CNBD1: variants seen among roughly 807,000 people sequenced by gnomAD.
CNBD1 encodes the protein cyclic nucleotide-binding domain-containing protein 1.
In CNBD1, 71 loss-of-function variants were observed where a neutral mutation model predicts 54.4. The observed-to-expected ratio is 1.30, with a 90% CI of 1.08 to 1.59. The LOEUF is 1.59. CNBD1 is among the 40% of genes most tolerant of loss of function. The pLI is 0.00. For missense variants in CNBD1, 659 were observed against 518.0 expected (o/e 1.27, Z -2.64); for synonymous variants, 182 against 170.7 (o/e 1.07, Z -0.51).
In CNBD1 at chr8:87,304,079, G is replaced by A. The variant is rs1011903061; in HGVS notation, c.1042+17408G>A. ...CAACCATTGTGGAAGTCAGTGTGGCGATTCCTCAGGGATCTAGAACTAGAA... is the reference window on the plus strand; with the variant it reads ...CAACCATTGTGGAAGTCAGTGTGGCAATTCCTCAGGGATCTAGAACTAGAA... On this transcript the variant is annotated intron_variant, in intron 8 of 10. Transcript: ENST00000518476. Among the ~76,000 whole-genome samples the A allele has an allele frequency of 7.9e-5, 12 of 152,014 alleles. 1 individual carries two copies. Among genetic ancestry groups the A allele is most frequent in the South Asian group, 6.2e-4 (3 of 4,834 alleles).
intron 2 of CNBD1, among the ~76,000 whole-genome samples, chr8:87,400,716 G>A (rs1271758804): frequency 2.0e-5 from 3 of 151,928 alleles, no homozygotes; most frequent in African/African-American, 4.8e-5. Flanking sequence ...ATATTCTGGG[G>A]TGGAAAGACA....
chr8:87,335,994 T>C (rs574176934), intron 8 of CNBD1, among the ~76,000 whole-genome samples: 2 of 152,112 alleles, frequency 1.3e-5, no homozygotes, highest in South Asian at 4.1e-4. Context: ...GGGTTGAAAA[T>C]TCTTTTATTT....
intron 2 of CNBD1, among the ~76,000 whole-genome samples, chr8:87,418,334 A>G (rs1807870132): frequency 6.6e-6 from 1 of 151,958 alleles, no homozygotes; most frequent in Non-Finnish European, 1.5e-5. Context: ...ATGAATTTGG[A>G]CCCCAATCTT....
At chr8:86,966,391 C>T (rs1316969251) in intron 4 of CNBD1, among the ~76,000 whole-genome samples, 1 of 152,202 alleles carries the variant, frequency 6.6e-6, no homozygotes. Flanking sequence ...AAGAATGAAG[C>T]CGTGGACCCT....
intron 4 of CNBD1, among the ~76,000 whole-genome samples, chr8:87,006,891 C>T (rs73273606): frequency 0.03 from 4,565 of 152,260 alleles, 234 homozygotes; most frequent in African/African-American, 0.1. Flanking sequence ...CGTAATTGAA[C>T]ATTGTACAAT....
chr8:86,936,982 T>C (rs1809560933), intron 3 of CNBD1, among the ~76,000 whole-genome samples: 1 of 152,150 alleles, frequency 6.6e-6, no homozygotes, highest in Non-Finnish European at 1.5e-5. Context: ...AAACTGAGGA[T>C]AATATTGCCT....
chr8:87,344,497 G>T (rs1810130052), intron 8 of CNBD1, among the ~76,000 whole-genome samples: 1 of 151,896 alleles, frequency 6.6e-6, no homozygotes, highest in Non-Finnish European at 1.5e-5. Flanking sequence ...AATGAAGGTT[G>T]GGTCACCAAT....
rs150211656 is a variant in CNBD1, at chr8:87,401,183, A to G, written c.214-27363A>G. Reference sequence around the variant, plus strand: ...AGCCAACCAAATAAACCCAAAGCAAATATATTGGAAACCTATTGAGGTTTT... The same window carrying G: ...AGCCAACCAAATAAACCCAAAGCAAGTATATTGGAAACCTATTGAGGTTTT... On this transcript the variant is annotated intron_variant, in intron 2 of 7. Coordinates refer to the CNBD1 transcript ENST00000521593. Among the ~76,000 whole-genome samples, 225 of 152,140 alleles carry G rather than the reference A, an allele frequency of 1.5e-3. 1 individual carries two copies. The highest frequency in any genetic ancestry group is 5.2e-3 in the African/African-American group (216 of 41,556).
chr8:87,288,093 T>G (rs1281761971), intron 8 of CNBD1, among the ~76,000 whole-genome samples: 1 of 152,194 alleles, frequency 6.6e-6, no homozygotes, highest in African/African-American at 2.4e-5. Flanking sequence ...TAGAAACAGA[T>G]GAGCATCCCA....
At chr8:87,376,231 G>A (rs563580409) in intron 10 of CNBD1, among the ~76,000 whole-genome samples, 89 of 151,962 alleles carry the variant, frequency 5.9e-4, no homozygotes, top group Non-Finnish European at 8.8e-5. Flanking sequence ...TGGAGGGCAA[G>A]AAATCCAAGA....
intron 3 of CNBD1, among the ~76,000 whole-genome samples, chr8:86,939,350 A>G (rs1482874499): frequency 2.0e-5 from 3 of 152,178 alleles, no homozygotes; most frequent in African/African-American, 7.2e-5. Context: ...GACAGTTATA[A>G]TACATATAAT....
intron 2 of CNBD1, among the ~76,000 whole-genome samples, chr8:87,394,018 C>T (rs986206760): frequency 1.3e-5 from 2 of 151,792 alleles, no homozygotes; most frequent in Non-Finnish European, 2.9e-5. Flanking sequence ...AGAGTCCAAT[C>T]AACTTCTAGT....
chr8:87,403,258 A>G (rs1807598814), intron 2 of CNBD1, among the ~76,000 whole-genome samples: 1 of 152,056 alleles, frequency 6.6e-6, no homozygotes, highest in Non-Finnish European at 1.5e-5. Context: ...TGGGCTGTAC[A>G]TCTTGTTTGC....
intron 8 of CNBD1, among the ~76,000 whole-genome samples, chr8:87,327,630 C>T (rs1001024687): frequency 1.3e-5 from 2 of 152,206 alleles, no homozygotes; most frequent in Non-Finnish European, 2.9e-5. Flanking sequence ...TTGCGCTTCC[C>T]AGGTGAGGCA....
At chr8:86,885,136 T>C (rs1808663464) in intron 1 of CNBD1, among the ~76,000 whole-genome samples, 1 of 152,234 alleles carries the variant, frequency 6.6e-6, no homozygotes, top group African/African-American at 2.4e-5. Flanking sequence ...AAAAATAGTT[T>C]AGTTACGTTT....
intron 8 of CNBD1, among the ~76,000 whole-genome samples, chr8:87,289,173 AG>A (rs1345152699): frequency 6.6e-6 from 1 of 152,148 alleles, no homozygotes; most frequent in African/African-American, 2.4e-5. Flanking sequence ...AAGAATGTAC[AG>A]TGGATAGGGT....
chr8:87,262,293 T>G (rs1471373699), intron 6 of CNBD1, among the ~76,000 whole-genome samples: 1 of 152,236 alleles, frequency 6.6e-6, no homozygotes, highest in Non-Finnish European at 1.5e-5. Flanking sequence ...CTTTCCTCCT[T>G]TGATAGAATT....
chr8:87,132,361 T>G (rs1238535906), intron 4 of CNBD1, among the ~76,000 whole-genome samples: 3 of 151,734 alleles, frequency 2.0e-5, no homozygotes, highest in African/African-American at 7.2e-5. Context: ...TAGAAAGCCT[T>G]GTTAATTCAT....
chr8:87,364,566 A>G (rs1810599671), intron 10 of CNBD1, among the ~76,000 whole-genome samples: 1 of 151,796 alleles, frequency 6.6e-6, no homozygotes, highest in Non-Finnish European at 1.5e-5. Context: ...TCAGTGGTTT[A>G]GTGTATAGAT....
Sources: allele counts gnomAD v4.1 joint callset (sites outside exome capture counted in the v4.1 genomes callset), GRCh38; gene constraint gnomAD v4.1.1; transcripts MANE v1.5; gene names NCBI Gene and HGNC (gene_info 2026-07-23, HGNC 2026-07-21).